The following LRMDA variants were observed in gnomAD, a reference collection of about 807,000 sequenced individuals.
The protein encoded by LRMDA is leucine rich melanocyte differentiation associated, also known as leucine-rich melanocyte differentiation-associated protein.
In LRMDA, 18 loss-of-function variants were observed where a neutral mutation model predicts 29.8. The ratio of observed to expected loss-of-function variants is 0.60; its 90% CI spans 0.42 to 0.90. The LOEUF (loss-of-function observed/expected upper bound fraction) is 0.90, where lower values mean the gene tolerates loss of function less well. LRMDA is among the 40% of genes least tolerant of loss of function. The probability of loss-of-function intolerance (pLI) is 0.00; values close to 1 mark genes in which losing one functional copy is unlikely to be tolerated. For missense variants in LRMDA, 273 were observed against 273.9 expected (o/e 1.00, Z 0.02); for synonymous variants, 125 against 109.4 (o/e 1.14, Z -0.89).
At chr10:75,979,686 C>T (rs1847132186) in intron 2 of LRMDA, among the ~76,000 whole-genome samples, 1 of 151,944 alleles carries the variant, frequency 6.6e-6, no homozygotes, top group Non-Finnish European at 1.5e-5. Context: ...TGTCAAGGAC[C>T]CCTTCATTCC....
intron 6 of LRMDA, among the ~76,000 whole-genome samples, chr10:76,432,594 T>G (rs1247632957): frequency 1.3e-5 from 2 of 152,176 alleles, no homozygotes; most frequent in Non-Finnish European, 2.9e-5. Context: ...TTTTATCCAT[T>G]CAATACACTG....
At chr10:76,310,247 G>T (rs1213305832) in intron 5 of LRMDA, among the ~76,000 whole-genome samples, 2 of 152,134 alleles carry the variant, frequency 1.3e-5, no homozygotes, top group African/African-American at 4.8e-5. Flanking sequence ...ACATTAAGCG[G>T]CATTCTCAAA....
intron 5 of LRMDA, among the ~76,000 whole-genome samples, chr10:76,091,444 G>T (rs1338563339): frequency 6.6e-6 from 1 of 152,164 alleles, no homozygotes; most frequent in African/African-American, 2.4e-5. Flanking sequence ...TCTGCACTTT[G>T]TCCAGTTCCC....
At chr10:75,532,863 G>GTTTGAAAC (rs1428306787) in intron 2 of LRMDA, among the ~76,000 whole-genome samples, 1 of 152,126 alleles carries the variant, frequency 6.6e-6, no homozygotes, top group African/African-American at 2.4e-5. Context: ...GTATATTCAA[G>GTTTGAAAC]TTTGAAACTA....
chr10:76,135,584 G>A (rs908535444), intron 5 of LRMDA, among the ~76,000 whole-genome samples: 4 of 152,144 alleles, frequency 2.6e-5, no homozygotes, highest in African/African-American at 9.7e-5. Flanking sequence ...CTGGAGGCCA[G>A]AAGTCTAAAA....
At chr10:75,799,588 C>A (rs1013298140) in intron 2 of LRMDA, among the ~76,000 whole-genome samples, 7 of 151,488 alleles carry the variant, frequency 4.6e-5, no homozygotes, top group African/African-American at 1.7e-4. Flanking sequence ...AATCTCGGCT[C>A]ACTGCAACCT....
chr10:75,946,451 G>A (rs950979324), intron 2 of LRMDA, among the ~76,000 whole-genome samples: 1 of 152,204 alleles, frequency 6.6e-6, no homozygotes, highest in Non-Finnish European at 1.5e-5. Flanking sequence ...ATAAATGGCA[G>A]ATTTAGGACC....
intron 5 of LRMDA, among the ~76,000 whole-genome samples, chr10:76,130,575 A>G (rs1181905930): frequency 2.0e-5 from 3 of 152,178 alleles, no homozygotes; most frequent in Non-Finnish European, 4.4e-5. Context: ...GAGAAGGGAA[A>G]GCATATTGTT....
At chr10:76,145,584 C>A (rs569340666) in intron 5 of LRMDA, among the ~76,000 whole-genome samples, 15 of 152,066 alleles carry the variant, frequency 9.9e-5, no homozygotes, top group Admixed American at 5.2e-4. Context: ...TCTCTCTTTT[C>A]TTCTTTAGTA....
intron 2 of LRMDA, among the ~76,000 whole-genome samples, chr10:75,954,224 T>C (rs1564615763): frequency 6.6e-6 from 1 of 152,186 alleles, no homozygotes; most frequent in Non-Finnish European, 1.5e-5. Context: ...ATGTGGGGAC[T>C]AACACCTTGA....
chr10:76,416,679 G>C (rs997255565), intron 6 of LRMDA, among the ~76,000 whole-genome samples: 2 of 152,210 alleles, frequency 1.3e-5, no homozygotes, highest in Non-Finnish European at 2.9e-5. Context: ...ACAGGCTCAT[G>C]TGTCAGAATT....
chr10:76,503,223 C>T (rs572599320), intron 6 of LRMDA, among the ~76,000 whole-genome samples: 2 of 151,956 alleles, frequency 1.3e-5, no homozygotes, highest in African/African-American at 2.4e-5. Context: ...ATTGAACCAA[C>T]CTCACATCAC....
At chr10:75,653,485 G>A (rs1841625804) in intron 2 of LRMDA, among the ~76,000 whole-genome samples, 1 of 152,154 alleles carries the variant, frequency 6.6e-6, no homozygotes, top group African/African-American at 2.4e-5. Context: ...AATTAAATTT[G>A]CCCCTTCCCC....
At chr10:76,347,483 C>A (rs189843975) in intron 6 of LRMDA, among the ~76,000 whole-genome samples, 128 of 152,242 alleles carry the variant, frequency 8.4e-4, no homozygotes, top group African/African-American at 3.0e-3. Flanking sequence ...CTGAGAGATA[C>A]CTCCGTGTGA....
At position 75,591,951 on chromosome 10, in the gene LRMDA, T is replaced by G. The variant is rs1037602430; in HGVS notation, c.131+153457T>G. 2.6e-5 allele frequency among the ~76,000 whole-genome samples: 4 copies of G among 151,370 alleles called. No homozygotes were observed. The South Asian group carries it at 8.4e-4, about 32-fold the overall frequency. ...CTTCTCTGTGAAAAGTCAAAAGAAG[T>G]GCAGTGTCAGGAGATGGTGGGGGTG... On this transcript the variant is annotated intron_variant, in intron 2 of 6. Transcript: ENST00000611255.
intron 5 of LRMDA, among the ~76,000 whole-genome samples, chr10:76,083,754 A>G (rs1589319224): frequency 6.6e-6 from 1 of 151,664 alleles, no homozygotes; most frequent in East Asian, 2.0e-4. Context: ...GAATCACTTG[A>G]ACCCGACAGG....
At chr10:76,070,734 CTAG>C (rs3042553) in intron 5 of LRMDA, among the ~76,000 whole-genome samples, 56,166 of 151,916 alleles carry the variant, frequency 0.37, 11,673 homozygotes, top group Non-Finnish European at 0.46. Flanking sequence ...CATCTACTTC[CTAG>C]TAAGAGTAAA....
chr10:76,234,187 C>T (rs1049153616), intron 5 of LRMDA, among the ~76,000 whole-genome samples: 2 of 152,202 alleles, frequency 1.3e-5, no homozygotes, highest in African/African-American at 4.8e-5. Flanking sequence ...CAGCATTGAT[C>T]TCCTTGTATA....
chr10:76,160,404 A>G (rs1463753734), intron 5 of LRMDA, among the ~76,000 whole-genome samples: 1 of 152,064 alleles, frequency 6.6e-6, no homozygotes, highest in Middle Eastern at 3.2e-3. Context: ...CAGTAATTAT[A>G]AGCTTTTTTA....
Sources: allele counts gnomAD v4.1 joint callset (sites outside exome capture counted in the v4.1 genomes callset), GRCh38; gene constraint gnomAD v4.1.1; transcripts MANE v1.5; gene names NCBI Gene and HGNC (gene_info 2026-07-23, HGNC 2026-07-21).